TBC1D5: variants seen among roughly 807,000 people sequenced by gnomAD.
TBC1D5 encodes TBC1 domain family member 5, also known as TBC1 domain family, member 5.
In TBC1D5, 75 loss-of-function variants were observed where a neutral mutation model predicts 100.3. That is an observed-to-expected ratio of 0.75 (90% confidence interval 0.62 to 0.91). The LOEUF (loss-of-function observed/expected upper bound fraction) is 0.91, where lower values mean the gene tolerates loss of function less well. Ranked by LOEUF, TBC1D5 falls within the 40% of genes least tolerant of loss-of-function variation. TBC1D5 has a pLI of 0.00. For synonymous variants in TBC1D5, 323 were observed against 325.6 expected (o/e 0.99, Z 0.09); for missense variants, 910 against 942.4 (o/e 0.97, Z 0.45).
intron 1 of TBC1D5, among the ~76,000 whole-genome samples, chr3:17,685,729 TTC>T (rs2070174144): frequency 6.6e-6 from 1 of 152,120 alleles, no homozygotes; most frequent in Admixed American, 6.6e-5. Flanking sequence ...ATATATATCT[TTC>T]TCTAACATAT....
intron 17 of TBC1D5, among the ~76,000 whole-genome samples, chr3:17,229,884 G>A (rs556745298): frequency 1.1e-4 from 17 of 152,202 alleles, no homozygotes; most frequent in African/African-American, 3.9e-4. Flanking sequence ...CCTTTTGAAC[G>A]TAAAGGGCAA....
exon 22 of TBC1D5, chr3:17,160,213 G>C (rs778131493): frequency 5.9e-5 from 9 of 152,176 alleles, no homozygotes; most frequent in Admixed American, 2.0e-4. Flanking sequence ...AATTGTTTAA[G>C]GAGAGATATT....
chr3:17,492,440 A>AC, intron 3 of TBC1D5, among the ~76,000 whole-genome samples: 1 of 145,676 alleles, frequency 6.9e-6, no homozygotes, highest in South Asian at 2.1e-4. Context: ...TACATTTGCA[A>AC]CTTTTTTTTT....
chr3:17,588,035 G>C (rs1346726057), intron 2 of TBC1D5, among the ~76,000 whole-genome samples: 1 of 152,004 alleles, frequency 6.6e-6, no homozygotes, highest in Non-Finnish European at 1.5e-5. Flanking sequence ...TATTTCTTCA[G>C]AAAGTGTTAA....
chr3:17,696,647 G>A (rs565087346), intron 1 of TBC1D5, among the ~76,000 whole-genome samples: 34 of 152,206 alleles, frequency 2.2e-4, no homozygotes, highest in Admixed American at 1.1e-3. Context: ...AGGACCAGAC[G>A]GATTCACAGC....
chr3:17,397,133 T>TA (rs922924076), intron 8 of TBC1D5, among the ~76,000 whole-genome samples: 1 of 152,202 alleles, frequency 6.6e-6, no homozygotes, highest in African/African-American at 2.4e-5. Flanking sequence ...CTATAATTTT[T>TA]AAAAAAGAAT....
At chr3:17,712,035 C>G (rs2074790784) in intron 1 of TBC1D5, among the ~76,000 whole-genome samples, 1 of 152,130 alleles carries the variant, frequency 6.6e-6, no homozygotes, top group East Asian at 1.9e-4. Flanking sequence ...CACAGACAAG[C>G]AAACAAATTC....
intron 14 of TBC1D5, among the ~76,000 whole-genome samples, chr3:17,303,808 TG>T (rs2083106044): frequency 6.6e-6 from 1 of 150,668 alleles, no homozygotes; most frequent in South Asian, 2.1e-4. Context: ...CTAATTCATT[TG>T]GAAGCCTGGA....
chr3:17,539,828 C>G (rs549188314), intron 2 of TBC1D5, among the ~76,000 whole-genome samples: 29 of 152,168 alleles, frequency 1.9e-4, no homozygotes, highest in African/African-American at 6.5e-4. Context: ...TCTTTAAGAC[C>G]CTGTTTTCAA....
At chr3:17,434,584 G>C (rs2094502252) in intron 3 of TBC1D5, among the ~76,000 whole-genome samples, 1 of 152,148 alleles carries the variant, frequency 6.6e-6, no homozygotes, top group Admixed American at 6.5e-5. Flanking sequence ...TAATTCCTGA[G>C]GTCTTTATAA....
intron 2 of TBC1D5, among the ~76,000 whole-genome samples, chr3:17,538,878 A>C (rs896623947): frequency 1.3e-5 from 2 of 152,136 alleles, no homozygotes; most frequent in African/African-American, 4.8e-5. Flanking sequence ...ATCTCTACTG[A>C]AAATACAAAA....
intron 13 of TBC1D5, among the ~76,000 whole-genome samples, chr3:17,360,554 G>A (rs1309006470): frequency 6.6e-6 from 1 of 151,880 alleles, no homozygotes; most frequent in Non-Finnish European, 1.5e-5. Flanking sequence ...CAGCGCATCA[G>A]TATTTCTCAG....
At chr3:17,728,096 C>A (rs537131845) in intron 1 of TBC1D5, among the ~76,000 whole-genome samples, 3 of 152,216 alleles carry the variant, frequency 2.0e-5, no homozygotes, top group South Asian at 4.1e-4. Context: ...CCACACCTTA[C>A]AGAAATTATG....
At chr3:17,357,466 T>C (rs1186461978) in intron 13 of TBC1D5, among the ~76,000 whole-genome samples, 1 of 152,194 alleles carries the variant, frequency 6.6e-6, no homozygotes, top group Non-Finnish European at 1.5e-5. Flanking sequence ...TTGGCACTGT[T>C]GTCATAAATA....
intron 2 of TBC1D5, among the ~76,000 whole-genome samples, chr3:17,566,767 C>T (rs1389415869): frequency 1.3e-5 from 2 of 151,620 alleles, no homozygotes; most frequent in Admixed American, 1.3e-4. Flanking sequence ...GAGAAGGTAA[C>T]CAGAAAAATT....
intron 10 of TBC1D5, among the ~76,000 whole-genome samples, chr3:17,375,558 T>C (rs549340026): frequency 4.9e-5 from 7 of 143,726 alleles, no homozygotes; most frequent in East Asian, 2.0e-4. Context: ...TCTCAAAACA[T>C]AAAATTTAAA....
At position 17,492,896 on chromosome 3, in the gene TBC1D5, C is replaced by A. The variant is rs530347752; in HGVS notation, c.97+15578G>T. On this transcript the variant is annotated intron_variant, in intron 3 of 21. Transcript: ENST00000253692. Reference sequence around the variant, plus strand: ...GGGTCTTGACTCTTTATTCAGCTTGCCATTTTCTGTCTTTTAATTGGGCAT... The same window carrying A: ...GGGTCTTGACTCTTTATTCAGCTTGACATTTTCTGTCTTTTAATTGGGCAT... 7.2e-5 allele frequency among the ~76,000 whole-genome samples: 11 copies of A among 151,870 alleles called. 1 individual carries two copies. In the South Asian group the frequency reaches 2.3e-3, roughly 32 times the overall value.
chr3:17,375,361 G>A (rs887153652), intron 10 of TBC1D5, among the ~76,000 whole-genome samples: 1 of 151,982 alleles, frequency 6.6e-6, no homozygotes, highest in African/African-American at 2.4e-5. Flanking sequence ...GAGGTCAAGA[G>A]ATCAAGACCA....
At chr3:17,666,859 A>C (rs2067317660) in intron 1 of TBC1D5, among the ~76,000 whole-genome samples, 1 of 152,208 alleles carries the variant, frequency 6.6e-6, no homozygotes, top group Non-Finnish European at 1.5e-5. Flanking sequence ...AATTATTTTT[A>C]ATAATTCCAA....
Sources: allele counts gnomAD v4.1 joint callset (sites outside exome capture counted in the v4.1 genomes callset), GRCh38; gene constraint gnomAD v4.1.1; transcripts MANE v1.5; gene names NCBI Gene and HGNC (gene_info 2026-07-23, HGNC 2026-07-21).